The following FRAS1 variants were observed in gnomAD, a reference collection of about 807,000 sequenced individuals.
FRAS1 encodes the protein Fraser extracellular matrix complex subunit 1.
FRAS1 carries 290 observed loss-of-function variants against 435.2 expected under a neutral mutation model. That is an observed-to-expected ratio of 0.67 (90% CI 0.61 to 0.73). The LOEUF (loss-of-function observed/expected upper bound fraction) is 0.73, where lower values mean the gene tolerates loss of function less well. FRAS1 is among the 30% of genes least tolerant of loss of function. The pLI, the probability that FRAS1 is intolerant of heterozygous loss-of-function variation, is 0.00. For missense variants in FRAS1, 4,860 were observed against 5,001.5 expected, an observed-to-expected ratio of 0.97 and a Z score of 0.85; for synonymous variants, 1,800 against 1,851.0, an observed-to-expected ratio of 0.97 and a Z score of 0.71.
At chr4:78,281,589 CA>C (rs1455391447) in intron 11 of FRAS1, among the ~76,000 whole-genome samples, 156 bp downstream of exon 11, 1 of 152,164 alleles carries the variant, frequency 6.6e-6, no homozygotes, top group Non-Finnish European at 1.5e-5. Flanking sequence ...AATGATAACT[CA>C]GACTTTGATG....
At chr4:78,171,877 G>C (rs558393757) in intron 2 of FRAS1, among the ~76,000 whole-genome samples, 134 of 152,158 alleles carry the variant, frequency 8.8e-4, no homozygotes, top group African/African-American at 3.0e-3. Context: ...GCCCTTAAGA[G>C]CACCATCATG....
chr4:78,409,199 A>G (rs1234988415), intron 31 of FRAS1, among the ~76,000 whole-genome samples: 1 of 150,538 alleles, frequency 6.6e-6, no homozygotes, highest in Non-Finnish European at 1.5e-5. Context: ...AAATATAATT[A>G]TAAATTATAA....
At chr4:78,382,984 T>A (rs1218257171) in intron 27 of FRAS1, among the ~76,000 whole-genome samples, 1 of 152,248 alleles carries the variant, frequency 6.6e-6, no homozygotes, top group Non-Finnish European at 1.5e-5. Flanking sequence ...GTTCCAAGAA[T>A]AACTTCTAAA....
chr4:78,219,821 A>G (rs1723974201), intron 2 of FRAS1, among the ~76,000 whole-genome samples: 1 of 152,146 alleles, frequency 6.6e-6, no homozygotes. Context: ...GGCAGAAGTT[A>G]GTTCCTTTTG....
In FRAS1 at chr4:78,176,571, G is replaced by A. The variant is rs1487060664; in HGVS notation, c.109-60939G>A. Among the ~76,000 whole-genome samples the A allele has an allele frequency of 3.3e-5, 5 of 152,238 alleles. No individual in the cohort carries two copies. The South Asian group carries it at 6.2e-4, about 19-fold the overall frequency. On this transcript the variant is annotated intron_variant, in intron 2 of 73. Transcript: ENST00000512123. ...CCCTGACACCTTCTCATTTCCAGGC[G>A]AAACATTCCCAGTTTCTGCAACCTG...
At chr4:78,284,603 C>T in intron 13 of FRAS1, 55 bp downstream of exon 13, 1 of 1,492,566 alleles carries the variant, frequency 6.7e-7, no homozygotes, top group Non-Finnish European at 9.0e-7. Flanking sequence ...ATAGACTCAT[C>T]AAAGGTTGTG....
rs1379375837 is a variant in FRAS1, at chr4:78,446,033, G to A, written c.5856+321G>A. ...CATATGTCTATGTTTCTCTGAAATT[G>A]TGTTTGGTTCTATATGCATATTTGC... is the stretch of plus-strand genomic sequence containing the variant. On this transcript the variant is annotated intron_variant, in intron 42 of 73. Coordinates refer to ENST00000512123, the MANE Select transcript of FRAS1 (RefSeq NM_025074.7). 9 of 1,220,220 alleles carry A rather than the reference G, an allele frequency of 7.4e-6. No homozygotes were observed. In the African/African-American group the frequency reaches 1.2e-4, roughly 17 times the overall value. The allele number at this position is 1,220,220 out of a possible 1,614,324, so 75.6% of individuals were successfully genotyped here. A position where few individuals can be genotyped will look rare whatever the true frequency, so the allele number is the denominator to read the frequency against.
intron 2 of FRAS1, among the ~76,000 whole-genome samples, chr4:78,122,462 A>T (rs1320542033): frequency 6.6e-6 from 1 of 152,018 alleles, no homozygotes; most frequent in African/African-American, 2.4e-5. Context: ...TTTATCATAG[A>T]CTGATTTGTA....
At chr4:78,204,679 A>G (rs1723182765) in intron 2 of FRAS1, among the ~76,000 whole-genome samples, 1 of 152,180 alleles carries the variant, frequency 6.6e-6, no homozygotes, top group Non-Finnish European at 1.5e-5. Flanking sequence ...TAGTCCACAA[A>G]GTGCACCATA....
intron 27 of FRAS1, among the ~76,000 whole-genome samples, chr4:78,380,326 A>T (rs1473299915): frequency 7.9e-6 from 1 of 126,954 alleles, no homozygotes; most frequent in African/African-American, 3.0e-5. Context: ...TGCTTCTTCA[A>T]CATTGGGGCA....
intron 61 of FRAS1, among the ~76,000 whole-genome samples, chr4:78,501,807 C>A (rs765403240): frequency 6.6e-6 from 1 of 152,160 alleles, no homozygotes; most frequent in Non-Finnish European, 1.5e-5. Context: ...ATGCCTATGT[C>A]CTGAATGGTA....
Position 78,236,304 on chromosome 4 carries a change from A to ATTTTT in FRAS1, c.109-1203_109-1202insTTTTT, listed in dbSNP as rs200161372. On this transcript the variant is annotated intron_variant, in intron 2 of 73. Transcript: ENST00000512123. ...AATAGTTGCATTTATTTATTTATTTATTTATTTTTTGGCTTTGAGGTTTTT... is the reference window on the plus strand; with the variant it reads ...AATAGTTGCATTTATTTATTTATTTATTTTTTTTATTTTTTGGCTTTGAGGTTTTT... 2.8e-3 allele frequency among the ~76,000 whole-genome samples: 408 copies of ATTTTT among 146,698 alleles called. 2 individuals are homozygous for ATTTTT. Among genetic ancestry groups the ATTTTT allele is most frequent in the African/African-American group, 9.7e-3 (393 of 40,368 alleles).
intron 2 of FRAS1, among the ~76,000 whole-genome samples, chr4:78,121,567 G>A (rs1210091872): frequency 3.3e-5 from 5 of 152,172 alleles, no homozygotes; most frequent in African/African-American, 1.2e-4. Flanking sequence ...TTAATATAGT[G>A]CAGGAATTAG....
In FRAS1 at chr4:78,065,058, G is replaced by GTATATA. The variant is rs34023994; in HGVS notation, c.77-906_77-901dup. ...TAAGTTAAGATTTCAGTTTTATAGTGTATATATATATATATATATATATAT... is the reference window on the plus strand; with the variant it reads ...TAAGTTAAGATTTCAGTTTTATAGTGTATATATATATATATATATATATATATATAT... On this transcript the variant is annotated intron_variant, in intron 1 of 73. Coordinates refer to ENST00000512123, the MANE Select transcript of FRAS1 (RefSeq NM_025074.7). Among the ~76,000 whole-genome samples, 83 of 119,892 alleles carry GTATATA rather than the reference G, an allele frequency of 6.9e-4. 1 individual carries two copies. The highest frequency in any genetic ancestry group is 4.5e-3 in the Middle Eastern group (1 of 224). The allele number at this position is 119,892 out of a possible 152,430, so 78.7% of individuals were successfully genotyped here.
At chr4:78,245,657 G>C (rs1725208241) in intron 4 of FRAS1, among the ~76,000 whole-genome samples, 1 of 152,250 alleles carries the variant, frequency 6.6e-6, no homozygotes, top group East Asian at 1.9e-4. Flanking sequence ...CTGGTGAGTA[G>C]AGCAGATGTT....
At chr4:78,404,911 T>C (rs554949707) in intron 30 of FRAS1, among the ~76,000 whole-genome samples, 1 of 152,328 alleles carries the variant, frequency 6.6e-6, no homozygotes, top group South Asian at 2.1e-4. Flanking sequence ...TGTTGTGTAT[T>C]CTAAATCGAT....
chr4:78,267,039 A>G, intron 8 of FRAS1, 104 bp downstream of exon 8: 2 of 961,566 alleles, frequency 2.1e-6, no homozygotes, highest in South Asian at 1.5e-5. Context: ...AAAGTTTTAT[A>G]ATGTTTGCAA....
At chr4:78,333,660 C>G (rs1730035900) in intron 19 of FRAS1, among the ~76,000 whole-genome samples, 1 of 152,212 alleles carries the variant, frequency 6.6e-6, no homozygotes, top group Non-Finnish European at 1.5e-5. Context: ...TTTGAATAAA[C>G]TCTGAACTTG....
intron 6 of FRAS1, among the ~76,000 whole-genome samples, chr4:78,259,603 A>T (rs562212646): frequency 6.6e-6 from 1 of 150,824 alleles, no homozygotes; most frequent in South Asian, 2.1e-4. Flanking sequence ...GATTCTGGAT[A>T]TTAGCCCTTT....
Sources: gnomAD v4.1 joint callset for allele counts (sites outside exome capture counted in the v4.1 genomes callset) on GRCh38, gnomAD v4.1.1 for gene constraint, MANE v1.5 for transcripts, NCBI Gene and HGNC (gene_info 2026-07-23, HGNC 2026-07-21) for gene names.